Variants in DHX30 observed in about 807,000 individuals in gnomAD.
DHX30 encodes ATP-dependent RNA helicase DHX30.
Under a neutral mutation model 116.9 loss-of-function variants are expected in DHX30, and 4 were observed. The observed-to-expected ratio is 0.03, with a 90% confidence interval of 0.02 to 0.08. The LOEUF is 0.08. Ranked by LOEUF, DHX30 falls within the 10% of genes least tolerant of loss-of-function variation. DHX30 has a pLI of 1.00. For missense variants in DHX30, 871 were observed against 1,595.1 expected (o/e 0.55, Z 7.73); for synonymous variants, 697 against 651.7 (o/e 1.07, Z -1.06).
rs2037622907 is a variant in DHX30 at position 47,846,718 on chromosome 3, G to A, written c.1646G>A (p.Ser549Asn). Residue 549 changes from serine (S) to asparagine (N), a missense_variant, in exon 11 of 22, where the codon AGC (serine) becomes AAC (asparagine). Around this residue, in one of 13 missense-constraint regions of DHX30, gnomAD observed 63 missense variants for 180.6 expected, o/e 0.35. Transcript: ENST00000445061. The part of the protein sequence containing the change: ...ILLRKLQSNP[S>N]LEGVSHVIVD... Reference sequence around the variant, plus strand: ...CTGCGTAAGCTGCAGAGCAACCCCAGCCTGGAGGGCGTGAGCCACGTCATC... The same window carrying A: ...CTGCGTAAGCTGCAGAGCAACCCCAACCTGGAGGGCGTGAGCCACGTCATC... 1 of 1,613,904 alleles carries A rather than the reference G, an allele frequency of 6.2e-7. No individual in the cohort carries two copies. The highest frequency in any genetic ancestry group is 8.5e-7 in the Non-Finnish European group (1 of 1,180,042).
At chr3:47,840,153 C>T (rs1272978437) in intron 6 of DHX30, among the ~76,000 whole-genome samples, 5 of 151,682 alleles carry the variant, frequency 3.3e-5, no homozygotes, top group African/African-American at 7.2e-5. Context: ...CTCGCCACCA[C>T]GCCTGGCTAA....
At chr3:47,806,242 C>T (rs1167938139) in intron 2 of DHX30, among the ~76,000 whole-genome samples, 2 of 151,004 alleles carry the variant, frequency 1.3e-5, no homozygotes, top group Non-Finnish European at 2.9e-5. Context: ...CTCCTGGGTT[C>T]AAGCGATTCT....
intron 6 of DHX30, among the ~76,000 whole-genome samples, chr3:47,837,218 T>G (rs2037162293): frequency 6.6e-6 from 1 of 152,148 alleles, no homozygotes; most frequent in Non-Finnish European, 1.5e-5. Context: ...GGAATGAGAA[T>G]GAATGTGGGT....
At chr3:47,811,736 C>T (rs2035798112) in intron 3 of DHX30, among the ~76,000 whole-genome samples, 1 of 151,886 alleles carries the variant, frequency 6.6e-6, no homozygotes, top group Admixed American at 6.6e-5. Context: ...AAATCAGGAT[C>T]CAGAGAGAGA....
chr3:47,848,280 C>T lies in DHX30; in HGVS notation c.2387C>T (p.Pro796Leu). The change falls in exon 15 of 22, where the codon CCT (proline) becomes CTT (leucine). Residue 796 changes from proline to leucine, a missense_variant. Physicochemically the swap from Pro to Leu is moderately conservative, Grantham distance 98. This residue lies in a region of DHX30 where 14 missense variants were observed against 16.2 expected (regional missense o/e 0.86). Coordinates refer to ENST00000445061, the MANE Select transcript of DHX30 (RefSeq NM_138615.3). The surrounding 1 kb of genome is among the most constrained non-coding windows in gnomAD (Gnocchi z 9.4). ...CQSGFAYHLF[P>L]RSRLEKMVPF... is the part of the protein sequence containing the mutation. ...TCCGGCTTTGCCTACCACTTGTTCC[C>T]TCGAAGCCGGCTGGAGAAAATGGTC... 1 of 1,613,854 alleles carries T rather than the reference C, an allele frequency of 6.2e-7. No individual in the cohort carries two copies. The highest frequency in any genetic ancestry group is 1.1e-5 in the South Asian group (1 of 91,076).
intron 4 of DHX30, among the ~76,000 whole-genome samples, chr3:47,823,109 AG>A: frequency 1.3e-5 from 2 of 150,702 alleles, no homozygotes; most frequent in Admixed American, 6.6e-5. Context: ...AAAAAAAAAA[AG>A]AAAAGAAAGA....
At position 47,846,275 on chromosome 3, in the gene DHX30, C is replaced by T. The variant is rs767503728; in HGVS notation, c.1203C>T (p.Pro401=). 1.4e-5 allele frequency: 22 copies of T among 1,614,116 alleles called. No individual in the cohort carries two copies. The highest frequency in any genetic ancestry group is 1.7e-5 in the Non-Finnish European group (20 of 1,180,046). The change falls in exon 11 of 22, where the codon CCC becomes CCT. Residue 401 remains proline, a synonymous_variant. Coordinates refer to ENST00000445061, the MANE Select transcript of DHX30 (RefSeq NM_138615.3). ...GPLSDPITGK[P]YVPLLEAEEV... ...TGAGTGACCCTATCACAGGCAAGCC[C>T]TATGTGCCCCTGTTGGAAGCAGAGG...
Position 47,847,977 on chromosome 3 carries a change from C to T in DHX30, c.2286+21C>T. On this transcript the variant is annotated intron_variant, in intron 14 of 21. Coordinates refer to ENST00000445061, the MANE Select transcript of DHX30 (RefSeq NM_138615.3). The surrounding 1 kb of genome is among the most constrained non-coding windows in gnomAD (Gnocchi z 5.5). ...CCAAGGTGGCACCTACCTCCTGGGC[C>T]CGGCCAACCACTGGGGGAGGGACTC... is the stretch of plus-strand genomic sequence containing the variant. The T allele has an allele frequency of 6.2e-7, 1 of 1,610,814 alleles. No homozygotes were observed. Among genetic ancestry groups the T allele is most frequent in the Non-Finnish European group, 8.5e-7 (1 of 1,177,278 alleles).
Position 47,848,105 on chromosome 3 carries a change from G to A in DHX30, c.2287-75G>A, listed in dbSNP as rs2037698308. ...TCAGTGTTCCTGATGTAGGGGGCTG[G>A]TGAGGGTTACTCAGGGAGTGGGGAA... is the stretch of plus-strand genomic sequence containing the variant. On this transcript the variant is annotated intron_variant, in intron 14 of 21. Transcript: ENST00000445061. The surrounding 1 kb of genome is among the most constrained non-coding windows in gnomAD (Gnocchi z 9.4). The A allele has an allele frequency of 1.3e-6, 2 of 1,595,572 alleles. No homozygotes were observed. The highest frequency in any genetic ancestry group is 8.6e-7 in the Non-Finnish European group (1 of 1,166,436).
At chr3:47,841,844 C>T in intron 8 of DHX30, 107 bp downstream of exon 8, 1 of 1,513,072 alleles carries the variant, frequency 6.6e-7, no homozygotes, top group Admixed American at 1.8e-5. Context: ...TTCCTCCAGC[C>T]CAAACCTAGG....
intron 3 of DHX30, among the ~76,000 whole-genome samples, chr3:47,812,684 G>A (rs939430845): frequency 1.1e-4 from 16 of 145,152 alleles, no homozygotes; most frequent in Admixed American, 3.4e-4. Flanking sequence ...TTTTTGAGAC[G>A]GAGTCTCACT....
chr3:47,838,674 C>A (rs2037231355), intron 6 of DHX30, among the ~76,000 whole-genome samples: 1 of 152,178 alleles, frequency 6.6e-6, no homozygotes. Context: ...TCACATGGCC[C>A]TGATGTTCAC....
chr3:47,831,812 A>G (rs1355750310), intron 6 of DHX30, among the ~76,000 whole-genome samples: 2 of 148,624 alleles, frequency 1.3e-5, no homozygotes, highest in Admixed American at 1.4e-4. Flanking sequence ...CACCCAGCCT[A>G]TGTGTATTTT....
chr3:47,812,934 G>A (rs1025825635), intron 3 of DHX30, among the ~76,000 whole-genome samples: 24 of 151,710 alleles, frequency 1.6e-4, no homozygotes. Context: ...CAAAGTGTTG[G>A]GATTACAGGC....
At chr3:47,840,817 C>A in intron 6 of DHX30, 60 bp from the exon 7 acceptor site, 1 of 1,605,610 alleles carries the variant, frequency 6.2e-7, no homozygotes, top group Non-Finnish European at 8.5e-7. Context: ...TGGACACGGA[C>A]CAGGCCGACT....
chr3:47,829,131 C>T lies in DHX30; in HGVS notation c.363C>T (p.Phe121=), dbSNP rs752599829. 4 of 1,545,798 alleles carry T rather than the reference C, an allele frequency of 2.6e-6. No individual in the cohort carries two copies. In the East Asian group the frequency reaches 6.8e-5, roughly 26 times the overall value. ...RQAAAAACQL[F]KGWGLLGPRN... The stretch of plus-strand genomic sequence containing the variant: ...CTGCAGCTGCAGCCTGCCAGCTGTT[C>T]AAGGTGACCCTTCCTCAGTGAAAGC... Residue 121 remains phenylalanine, a synonymous_variant, in exon 6 of 22, where the codon TTC becomes TTT. Coordinates refer to ENST00000445061, the MANE Select transcript of DHX30 (RefSeq NM_138615.3).
Position 47,849,472 on chromosome 3 carries a change from C to T in DHX30, c.3109C>T (p.Arg1037Trp). The T allele has an allele frequency of 1.9e-6, 3 of 1,576,582 alleles. No individual in the cohort carries two copies. The highest frequency in any genetic ancestry group is 1.2e-5 in the South Asian group (1 of 85,498). The change falls in exon 20 of 22, where the codon CGG (arginine) becomes TGG (tryptophan). Residue 1037 changes from arginine to tryptophan, a missense_variant. Physicochemically the swap from Arg to Trp is moderately radical, Grantham distance 101. Coordinates refer to ENST00000445061, the MANE Select transcript of DHX30 (RefSeq NM_138615.3). ...LIQVRQGKVT[R>W]QGKFKPNSVT... ...GCAGGTGAGGCAGGGCAAGGTCACC[C>T]GGCAGGGGAAGTTCAAGCCCAACAG...
At chr3:47,845,044 G>A (rs2037539495) in intron 9 of DHX30, among the ~76,000 whole-genome samples, 1 of 152,096 alleles carries the variant, frequency 6.6e-6, no homozygotes. Context: ...GAGGGTACAT[G>A]TTGGGAATTC....
intron 3 of DHX30, among the ~76,000 whole-genome samples, chr3:47,813,066 C>T (rs562069869): frequency 3.3e-5 from 5 of 150,860 alleles, no homozygotes; most frequent in South Asian, 2.1e-4. Flanking sequence ...TTGCCGGGCG[C>T]GGTGGCTCAC....
Sources: allele counts gnomAD v4.1 joint callset (sites outside exome capture counted in the v4.1 genomes callset), GRCh38; gene constraint gnomAD v4.1.1; regional missense constraint gnomAD v4.1.1; non-coding constraint Gnocchi (gnomAD v3.1); transcripts MANE v1.5; gene names NCBI Gene and HGNC (gene_info 2026-07-23, HGNC 2026-07-21).